Variants in MARCHF1 observed in about 807,000 individuals in gnomAD.
The protein encoded by MARCHF1 is E3 ubiquitin-protein ligase MARCHF1.
MARCHF1 carries 40 observed loss-of-function variants against 54.2 expected under a neutral mutation model. That is an observed-to-expected ratio of 0.74 (90% CI 0.57 to 0.96). The LOEUF is 0.96. MARCHF1 is among the 40% of genes least tolerant of loss of function. The probability of loss-of-function intolerance (pLI) is 0.00; values close to 1 mark genes in which losing one functional copy is unlikely to be tolerated. For synonymous variants in MARCHF1, 236 were observed against 236.3 expected, an observed-to-expected ratio of 1.00 and a Z score of 0.01; for missense variants, 586 against 656.5, an observed-to-expected ratio of 0.89 and a Z score of 1.17.
intron 1 of MARCHF1, chr4:164,235,003 C>A (rs1190878176): frequency 6.6e-6 from 1 of 152,162 alleles, no homozygotes; most frequent in East Asian, 1.9e-4. Flanking sequence ...TTTTGTCACC[C>A]TTTTTATGTT....
intron 5 of MARCHF1, among the ~76,000 whole-genome samples, chr4:163,626,053 A>G (rs1040208447): frequency 2.0e-5 from 3 of 152,202 alleles, no homozygotes; most frequent in African/African-American, 7.2e-5. Context: ...GCAGAATAAT[A>G]TGTTCTTTGA....
At chr4:163,932,859 G>T (rs1036244703) in intron 3 of MARCHF1, 6 of 628,772 alleles carry the variant, frequency 9.5e-6, no homozygotes, top group Non-Finnish European at 1.2e-5. Flanking sequence ...TCCAGAGAGT[G>T]GGGTCTTCTA....
At chr4:164,356,636 T>A (rs930062125) in intron 1 of MARCHF1, among the ~76,000 whole-genome samples, 3 of 140,108 alleles carry the variant, frequency 2.1e-5, no homozygotes, top group Non-Finnish European at 4.7e-5. Context: ...GTGGGGAGGG[T>A]TAGCATTGGG....
chr4:164,242,679 T>G (rs1357422089), intron 1 of MARCHF1, among the ~76,000 whole-genome samples: 1 of 152,130 alleles, frequency 6.6e-6, no homozygotes, highest in African/African-American at 2.4e-5. Context: ...CAAATTACTC[T>G]GAGCTACGGG....
At chr4:164,106,876 A>T (rs993540073) in intron 2 of MARCHF1, among the ~76,000 whole-genome samples, 14 of 151,996 alleles carry the variant, frequency 9.2e-5, no homozygotes, top group Non-Finnish European at 1.8e-4. Context: ...TGTCATAATC[A>T]CTTTGGTTCC....
intron 4 of MARCHF1, among the ~76,000 whole-genome samples, chr4:163,745,605 C>G (rs574677529): frequency 6.6e-6 from 1 of 152,152 alleles, no homozygotes; most frequent in Admixed American, 6.5e-5. Flanking sequence ...CTCTTATCTC[C>G]TCACCTTTTA....
intron 4 of MARCHF1, among the ~76,000 whole-genome samples, chr4:163,845,223 T>G (rs1356306555): frequency 2.0e-5 from 3 of 152,154 alleles, no homozygotes; most frequent in African/African-American, 7.2e-5. Flanking sequence ...TTTATTTCAC[T>G]TGTCTTTTAC....
chr4:164,159,168 T>C (rs1345733091), intron 1 of MARCHF1, among the ~76,000 whole-genome samples: 1 of 152,164 alleles, frequency 6.6e-6, no homozygotes, highest in Non-Finnish European at 1.5e-5. Context: ...GTAATTAATG[T>C]TTTAAGGCTA....
intron 4 of MARCHF1, among the ~76,000 whole-genome samples, chr4:163,766,737 C>A (rs2110849044): frequency 6.6e-6 from 1 of 152,176 alleles, no homozygotes; most frequent in East Asian, 1.9e-4. Flanking sequence ...AAGAGACAAA[C>A]AAACATTTGC....
At position 164,052,821 on chromosome 4, in the gene MARCHF1, T is replaced by C. The variant is rs550752390; in HGVS notation, c.-248+58767A>G. Among the ~76,000 whole-genome samples, 306 of 152,186 alleles carry C rather than the reference T, an allele frequency of 2.0e-3. 1 individual carries two copies. Among genetic ancestry groups the C allele is most frequent in the African/African-American group, 6.9e-3 (285 of 41,530 alleles). On this transcript the variant is annotated intron_variant, in intron 2 of 9. Coordinates refer to ENST00000514618, the MANE Select transcript of MARCHF1 (RefSeq NM_001394959.1). ...GGATTAGAAATCATAGTGATACTAA[T>C]CATGGCTAAAAAGTAATTAGGAGAC...
Position 163,895,467 on chromosome 4 carries a change from C to T in MARCHF1, c.-38-41298G>A, listed in dbSNP as rs148704291. On this transcript the variant is annotated intron_variant, in intron 3 of 9. Coordinates refer to ENST00000514618, the MANE Select transcript of MARCHF1 (RefSeq NM_001394959.1). Reference sequence around the variant, plus strand: ...GTTATGGGAAGGTAACTATCTAAACCGCAAATCACACTCTGCCACCTAAAC... The same window carrying T: ...GTTATGGGAAGGTAACTATCTAAACTGCAAATCACACTCTGCCACCTAAAC... Among the ~76,000 whole-genome samples, 121 of 152,226 alleles carry T rather than the reference C, an allele frequency of 7.9e-4. 1 individual carries two copies. In the East Asian group the frequency reaches 0.018, roughly 23 times the overall value.
chr4:163,706,126 C>T (rs1744942072), intron 4 of MARCHF1, among the ~76,000 whole-genome samples: 1 of 152,080 alleles, frequency 6.6e-6, no homozygotes, highest in South Asian at 2.1e-4. Flanking sequence ...TGCCTAAGGT[C>T]AAATTTCCTC....
intron 1 of MARCHF1, among the ~76,000 whole-genome samples, chr4:164,209,303 A>C (rs1364459651): frequency 6.6e-6 from 1 of 152,178 alleles, no homozygotes; most frequent in Non-Finnish European, 1.5e-5. Context: ...CACTTGGACA[A>C]TATATCTTCC....
chr4:163,567,559 TG>T (rs1301175727), intron 8 of MARCHF1, among the ~76,000 whole-genome samples: 6 of 152,026 alleles, frequency 3.9e-5, no homozygotes, highest in African/African-American at 1.5e-4. Context: ...ATCATGGGGG[TG>T]GGTATTTCCT....
intron 1 of MARCHF1, among the ~76,000 whole-genome samples, chr4:164,274,695 T>TTTA (rs1412423235): frequency 2.7e-5 from 3 of 113,018 alleles, no homozygotes; most frequent in Non-Finnish European, 5.0e-5. Context: ...TTTTTTTTTT[T>TTTA]AGACGGAGTC....
At chr4:163,892,200 A>G (rs962774986) in intron 3 of MARCHF1, among the ~76,000 whole-genome samples, 2 of 152,338 alleles carry the variant, frequency 1.3e-5, no homozygotes, top group East Asian at 3.9e-4. Context: ...CTGTTCCTCT[A>G]CTAGTCTACA....
chr4:163,976,213 A>G (rs910527424), intron 3 of MARCHF1, among the ~76,000 whole-genome samples: 5 of 152,136 alleles, frequency 3.3e-5, no homozygotes, highest in African/African-American at 1.2e-4. Flanking sequence ...GTGGTCATCT[A>G]ACGGGGCAAG....
intron 1 of MARCHF1, among the ~76,000 whole-genome samples, chr4:164,302,018 G>C (rs34903878): frequency 0.034 from 5,155 of 152,268 alleles, 88 homozygotes; most frequent in Middle Eastern, 0.071. Flanking sequence ...GAGTATGGAC[G>C]TATCAGTCTC....
chr4:163,733,840 A>C (rs1248506452), intron 4 of MARCHF1, among the ~76,000 whole-genome samples: 1 of 152,224 alleles, frequency 6.6e-6, no homozygotes, highest in Non-Finnish European at 1.5e-5. Context: ...AAAATAAAGA[A>C]CTGATCTTCA....
Sources: allele counts gnomAD v4.1 joint callset (sites outside exome capture counted in the v4.1 genomes callset), GRCh38; gene constraint gnomAD v4.1.1; transcripts MANE v1.5; gene names NCBI Gene and HGNC (gene_info 2026-07-23, HGNC 2026-07-21).